MMRN1: variants seen among roughly 807,000 people sequenced by gnomAD.
The protein encoded by MMRN1 is multimerin-1.
In MMRN1, 94 loss-of-function variants were observed where a neutral mutation model predicts 100.7. The ratio of observed to expected loss-of-function variants is 0.93; its 90% confidence interval spans 0.79 to 1.11. The LOEUF is 1.11. Ranked by LOEUF, MMRN1 falls within the 50% of genes least tolerant of loss-of-function variation. The pLI is 0.00. For synonymous variants in MMRN1, 575 were observed against 505.0 expected (o/e 1.14, Z -1.86); for missense variants, 1,606 against 1,439.1 (o/e 1.12, Z -1.88).
intron 4 of MMRN1, among the ~76,000 whole-genome samples, 190 bp downstream of exon 4, chr4:89,923,462 C>T (rs1368686339): frequency 6.6e-6 from 1 of 152,174 alleles, no homozygotes; most frequent in Non-Finnish European, 1.5e-5. Context: ...ACTGAAAAGA[C>T]CATGTATAAC....
chr4:89,950,850 T>C (rs1578508220), intron 6 of MMRN1, among the ~76,000 whole-genome samples: 1 of 152,204 alleles, frequency 6.6e-6, no homozygotes, highest in East Asian at 1.9e-4. Flanking sequence ...TGAGCCACCA[T>C]ACCCGGCCTC....
At chr4:89,945,285 T>C (rs1166432551) in intron 6 of MMRN1, among the ~76,000 whole-genome samples, 1 of 152,184 alleles carries the variant, frequency 6.6e-6, no homozygotes, top group Non-Finnish European at 1.5e-5. Flanking sequence ...CTGGGGTTAC[T>C]GTGGATAAAG....
At chr4:89,943,816 C>A (rs911493117) in intron 6 of MMRN1, among the ~76,000 whole-genome samples, 1 of 151,980 alleles carries the variant, frequency 6.6e-6, no homozygotes, top group Non-Finnish European at 1.5e-5. Flanking sequence ...CTGGCGAAAC[C>A]CCATCTCTAA....
At chr4:89,880,029 G>A (rs2110565469) in intron 1 of MMRN1, among the ~76,000 whole-genome samples, 1 of 152,250 alleles carries the variant, frequency 6.6e-6, no homozygotes, top group East Asian at 1.9e-4. Context: ...GAAACCCTGG[G>A]GGAGGACAAT....
At position 89,951,636 on chromosome 4, in the gene MMRN1, C is replaced by A; in HGVS notation, c.3150C>A (p.Cys1050Ter). The change falls in exon 7 of 8, where the codon TGC becomes TGA. Residue 1050 changes from cysteine to a stop codon, truncating the protein, a stop_gained. Transcript: ENST00000264790. LOFTEE classifies it high-confidence loss of function. ...ATTCAAGCTGTAGTCGGCATCCGTGCCAAAATGGGGGCACGTGCATAAATG... is the reference window on the plus strand; with the variant it reads ...ATTCAAGCTGTAGTCGGCATCCGTGACAAAATGGGGGCACGTGCATAAATG... ...EEYSSCSRHPCQNGGTCINGR... is the reference protein window; with the variant it reads ...EEYSSCSRHP 6.5e-7 allele frequency: 1 copy of A among 1,542,092 alleles called. No individual in the cohort carries two copies. The highest frequency in any genetic ancestry group is 8.7e-7 in the Non-Finnish European group (1 of 1,148,692).
intron 1 of MMRN1, among the ~76,000 whole-genome samples, chr4:89,904,451 C>T (rs1328908809): frequency 6.7e-5 from 10 of 150,048 alleles, no homozygotes; most frequent in Admixed American, 6.6e-5. Flanking sequence ...ATTGCACCCT[C>T]CCTACCATCC....
intron 2 of MMRN1, among the ~76,000 whole-genome samples, chr4:89,910,601 C>T (rs1265492201): frequency 6.6e-6 from 1 of 151,452 alleles, no homozygotes; most frequent in African/African-American, 2.4e-5. Context: ...GTTCAACTAA[C>T]TGCCTGAGCT....
At chr4:89,920,238 T>C (rs1722046044) in intron 3 of MMRN1, among the ~76,000 whole-genome samples, 2 of 152,138 alleles carry the variant, frequency 1.3e-5, no homozygotes, top group African/African-American at 2.4e-5. Flanking sequence ...GCCGACCACA[T>C]TGCTACATAC....
chr4:89,912,096 G>A (rs187862785), intron 3 of MMRN1, 46 bp downstream of exon 3: 4 of 1,319,448 alleles, frequency 3.0e-6, no homozygotes, highest in Middle Eastern at 1.9e-4. Context: ...ATAAGAAACT[G>A]ATTCTATTGA....
intron 1 of MMRN1, among the ~76,000 whole-genome samples, chr4:89,907,685 C>T (rs1721611567): frequency 6.6e-6 from 1 of 151,238 alleles, no homozygotes; most frequent in Admixed American, 6.6e-5. Flanking sequence ...TATTGGTCTT[C>T]CTTTCTAAAG....
At chr4:89,950,809 T>C (rs946422451) in intron 6 of MMRN1, among the ~76,000 whole-genome samples, 3 of 152,248 alleles carry the variant, frequency 2.0e-5, no homozygotes, top group South Asian at 2.1e-4. Context: ...TCCTCTTGCC[T>C]TGGCCTCCTG....
chr4:89,926,730 C>T (rs1461112483), intron 4 of MMRN1, among the ~76,000 whole-genome samples: 1 of 152,094 alleles, frequency 6.6e-6, no homozygotes, highest in Non-Finnish European at 1.5e-5. Flanking sequence ...GATACTTTCT[C>T]CAATGTTTTC....
At chr4:89,907,877 G>A (rs1721620973) in intron 1 of MMRN1, among the ~76,000 whole-genome samples, 1 of 144,938 alleles carries the variant, frequency 6.9e-6, no homozygotes, top group Non-Finnish European at 1.5e-5. Flanking sequence ...TACTGGTCCT[G>A]TTTTGCTGCT....
At chr4:89,910,869 T>C (rs1721726420) in intron 2 of MMRN1, among the ~76,000 whole-genome samples, 1 of 151,380 alleles carries the variant, frequency 6.6e-6, no homozygotes, top group Admixed American at 6.6e-5. Flanking sequence ...CGGTCTGTTA[T>C]AATGCTATTG....
At chr4:89,896,720 A>T (rs1721215989) in intron 1 of MMRN1, among the ~76,000 whole-genome samples, 1 of 152,190 alleles carries the variant, frequency 6.6e-6, no homozygotes, top group Non-Finnish European at 1.5e-5. Flanking sequence ...GCTGTTGCTG[A>T]TATAAAGGTG....
chr4:89,922,840 C>A (rs1722133296), intron 3 of MMRN1, among the ~76,000 whole-genome samples: 1 of 152,140 alleles, frequency 6.6e-6, no homozygotes, highest in South Asian at 2.1e-4. Context: ...TTTAACACAG[C>A]GGATTTAAAA....
At chr4:89,893,049 T>C (rs1468126356), upstream of MMRN1, among the ~76,000 whole-genome samples, 2 of 152,028 alleles carry the variant, frequency 1.3e-5, no homozygotes. Context: ...TAGTTTCTTC[T>C]GTGTTTTCCA....
At position 89,912,033 on chromosome 4, in the gene MMRN1, C is replaced by G; in HGVS notation, c.833C>G (p.Pro278Arg). Residue 278 changes from proline (P) to arginine (R), a missense_variant, in exon 3 of 8, where the codon CCG becomes CGG. By Grantham distance (103) the Pro-to-Arg change is moderately radical (BLOSUM62 -2). Transcript: ENST00000264790. ...AGGTGCTGTCCTGGATACAGTGGGC[C>G]GAAATGTCAACTAAGAGGTACACTC... ...DWRCCPGYSG[P>R]KCQLRAQEQQ... 6.3e-7 allele frequency: 1 copy of G among 1,594,112 alleles called. No individual in the cohort carries two copies. The highest frequency in any genetic ancestry group is 1.1e-5 in the South Asian group (1 of 88,770).
chr4:89,903,350 A>G (rs1432133486), intron 1 of MMRN1, among the ~76,000 whole-genome samples: 1 of 151,586 alleles, frequency 6.6e-6, no homozygotes, highest in African/African-American at 2.4e-5. Flanking sequence ...AGACATTCTG[A>G]AAGTTTTTTT....
Sources: gnomAD v4.1 joint callset for allele counts (sites outside exome capture counted in the v4.1 genomes callset) on GRCh38, gnomAD v4.1.1 for gene constraint, MANE v1.5 for transcripts, NCBI Gene and HGNC (gene_info 2026-07-23, HGNC 2026-07-21) for gene names.